Variants in FAM227B observed in about 807,000 individuals in gnomAD.
The protein encoded by FAM227B is family with sequence similarity 227 member B, also known as protein FAM227B.
FAM227B carries 88 observed loss-of-function variants against 73.8 expected under a neutral mutation model. The ratio of observed to expected loss-of-function variants is 1.19; its 90% CI spans 1.00 to 1.42. The LOEUF (loss-of-function observed/expected upper bound fraction) is 1.42, where lower values mean the gene tolerates loss of function less well. Ranked by LOEUF, FAM227B falls within the 40% of genes most tolerant of loss-of-function variation. FAM227B has a pLI of 0.00. For synonymous variants in FAM227B, 210 were observed against 190.5 expected, an observed-to-expected ratio of 1.10 and a Z score of -0.84; for missense variants, 632 against 590.9, an observed-to-expected ratio of 1.07 and a Z score of -0.72.
At chr15:49,354,534 C>T (rs1215937965) in intron 13 of FAM227B, among the ~76,000 whole-genome samples, 1 of 152,236 alleles carries the variant, frequency 6.6e-6, no homozygotes, top group Non-Finnish European at 1.5e-5. Flanking sequence ...CTGCACTTTT[C>T]CGACCGGCTT....
chr15:49,410,497 T>C (rs1395572223), intron 11 of FAM227B, among the ~76,000 whole-genome samples: 1 of 152,182 alleles, frequency 6.6e-6, no homozygotes, highest in Non-Finnish European at 1.5e-5. Flanking sequence ...TATCACCTCA[T>C]TTACACAGCA....
At chr15:49,436,803 G>T (rs1358700036) in intron 11 of FAM227B, among the ~76,000 whole-genome samples, 1 of 151,522 alleles carries the variant, frequency 6.6e-6, no homozygotes, top group African/African-American at 2.4e-5. Context: ...TGTCACTGGT[G>T]TTATTAAAAC....
At chr15:49,480,439 C>G (rs2055828042) in intron 11 of FAM227B, among the ~76,000 whole-genome samples, 1 of 150,166 alleles carries the variant, frequency 6.7e-6, no homozygotes, top group Non-Finnish European at 1.5e-5. Context: ...TCTCAAGTAG[C>G]TAGAATTATA....
intron 7 of FAM227B, among the ~76,000 whole-genome samples, chr15:49,575,662 G>A (rs2075397007): frequency 6.6e-6 from 1 of 151,874 alleles, no homozygotes; most frequent in Admixed American, 6.6e-5. Flanking sequence ...AATCATATTT[G>A]GCTAGTAGAT....
chr15:49,530,488 CA>C (rs1287221482), intron 10 of FAM227B, among the ~76,000 whole-genome samples: 1 of 151,644 alleles, frequency 6.6e-6, no homozygotes, highest in Admixed American at 6.6e-5. Flanking sequence ...CTGAAGATAT[CA>C]AAATAGTTAT....
At chr15:49,340,403 G>GCCCCCCCC (rs373386438) in intron 13 of FAM227B, among the ~76,000 whole-genome samples, 2 of 94,380 alleles carry the variant, frequency 2.1e-5, no homozygotes, top group African/African-American at 3.9e-5. Context: ...GCAGTGCCCC[G>GCCCCCCCC]CCCCCCCCCT....
At chr15:49,472,235 C>T (rs1227846624) in intron 11 of FAM227B, among the ~76,000 whole-genome samples, 1 of 152,116 alleles carries the variant, frequency 6.6e-6, no homozygotes, top group Non-Finnish European at 1.5e-5. Context: ...TTTCTCCATG[C>T]AATAAACATC....
chr15:49,613,307 C>T (rs1190417664), intron 2 of FAM227B, among the ~76,000 whole-genome samples: 1 of 152,118 alleles, frequency 6.6e-6, no homozygotes, highest in Non-Finnish European at 1.5e-5. Flanking sequence ...TTGAGGTCAA[C>T]AGTACAAGAG....
chr15:49,501,713 T>C (rs559128236), intron 11 of FAM227B, among the ~76,000 whole-genome samples: 1 of 152,292 alleles, frequency 6.6e-6, no homozygotes, highest in East Asian at 1.9e-4. Context: ...CTAGAGAAAT[T>C]TGCATAACAA....
chr15:49,539,929 A>C (rs1427988108), intron 10 of FAM227B, among the ~76,000 whole-genome samples: 4 of 152,208 alleles, frequency 2.6e-5, no homozygotes, highest in Non-Finnish European at 5.9e-5. Context: ...ATGCTCCTGC[A>C]ACAAAGCTGA....
At chr15:49,454,609 T>C (rs2053094107) in intron 11 of FAM227B, among the ~76,000 whole-genome samples, 2 of 152,198 alleles carry the variant, frequency 1.3e-5, no homozygotes, top group African/African-American at 4.8e-5. Context: ...ATTTATTTTA[T>C]TTTTTATATT....
intron 11 of FAM227B, among the ~76,000 whole-genome samples, chr15:49,481,838 A>C (rs2055976573): frequency 6.6e-6 from 1 of 152,160 alleles, no homozygotes; most frequent in Non-Finnish European, 1.5e-5. Flanking sequence ...ACGAGCTCTG[A>C]CTAGTGTTAA....
At chr15:49,581,227 G>T (rs1046098424) in intron 5 of FAM227B, among the ~76,000 whole-genome samples, 2 of 151,990 alleles carry the variant, frequency 1.3e-5, no homozygotes, top group Non-Finnish European at 2.9e-5. Flanking sequence ...TGGCTAGAGA[G>T]AAGGGCAGGT....
intron 11 of FAM227B, among the ~76,000 whole-genome samples, chr15:49,457,513 A>C (rs1166506781): frequency 6.6e-6 from 1 of 152,012 alleles, no homozygotes; most frequent in Non-Finnish European, 1.5e-5. Context: ...TTTCTTAAAA[A>C]TCTATAACAT....
Position 49,520,650 on chromosome 15 carries a change from C to A in FAM227B, c.875-12302G>T, listed in dbSNP as rs1588132. On this transcript the variant is annotated intron_variant, in intron 10 of 15. Transcript: ENST00000299338. ...GCTGGCAAGAGAGAGCATGTGCAGGCGGAGCTGCCCTTTATAAAACCATCA... is the reference window on the plus strand; with the variant it reads ...GCTGGCAAGAGAGAGCATGTGCAGGAGGAGCTGCCCTTTATAAAACCATCA... 2.0e-3 allele frequency among the ~76,000 whole-genome samples: 301 copies of A among 152,040 alleles called. 1 individual carries two copies. Among genetic ancestry groups the A allele is most frequent in the African/African-American group, 6.9e-3 (288 of 41,440 alleles).
In FAM227B at chr15:49,587,972, T is replaced by C. The variant is rs371996147; in HGVS notation, c.405+44A>G. 6.7e-5 allele frequency: 92 copies of C among 1,382,248 alleles called. No individual in the cohort carries two copies. In the African/African-American group the frequency reaches 1.3e-3, roughly 20 times the overall value. The allele number at this position is 1,382,248 out of a possible 1,614,324, so 85.6% of individuals were successfully genotyped here. The stretch of plus-strand genomic sequence containing the variant: ...GGAAATGTAGTGTTTATATTTTCTG[T>C]GAAAATCCAACTTTCAAGGATGATA... On this transcript the variant is annotated intron_variant, in intron 5 of 15. Coordinates refer to ENST00000299338, the MANE Select transcript of FAM227B (RefSeq NM_152647.3).
chr15:49,541,915 G>C (rs933780434), intron 9 of FAM227B, 109 bp from the exon 10 acceptor site: 19 of 900,722 alleles, frequency 2.1e-5, no homozygotes, highest in Non-Finnish European at 2.8e-5. Flanking sequence ...TTTATTAACC[G>C]AATAAAAATT....
At chr15:49,512,578 T>A (rs1056459733) in intron 10 of FAM227B, among the ~76,000 whole-genome samples, 4 of 152,110 alleles carry the variant, frequency 2.6e-5, no homozygotes, top group South Asian at 2.1e-4. Flanking sequence ...TTTATTTTTT[T>A]AATTATTTAT....
intron 11 of FAM227B, among the ~76,000 whole-genome samples, chr15:49,463,889 A>AAAC (rs1362699866): frequency 6.6e-6 from 1 of 152,086 alleles, no homozygotes; most frequent in Non-Finnish European, 1.5e-5. Flanking sequence ...AGACTACTTC[A>AAAC]AACTGATTTG....
Sources: allele counts gnomAD v4.1 joint callset (sites outside exome capture counted in the v4.1 genomes callset), GRCh38; gene constraint gnomAD v4.1.1; transcripts MANE v1.5; gene names NCBI Gene and HGNC (gene_info 2026-07-23, HGNC 2026-07-21).